The following MGLL variants were observed in gnomAD, a reference collection of about 807,000 sequenced individuals.
The protein encoded by MGLL is monoglyceride lipase.
In MGLL, 7 loss-of-function variants were observed where a neutral mutation model predicts 29.1. That is an observed-to-expected ratio of 0.24 (90% CI 0.14 to 0.45). The LOEUF is 0.45. Ranked by LOEUF, MGLL falls within the 20% of genes least tolerant of loss-of-function variation. The probability of loss-of-function intolerance (pLI) is 0.99; values close to 1 mark genes in which losing one functional copy is unlikely to be tolerated. For synonymous variants in MGLL, 148 were observed against 168.3 expected, an observed-to-expected ratio of 0.88 and a Z score of 0.93; for missense variants, 356 against 413.6, an observed-to-expected ratio of 0.86 and a Z score of 1.21.
chr3:127,697,329 T>C (rs80261252), intron 6 of MGLL, among the ~76,000 whole-genome samples: 5,397 of 152,258 alleles, frequency 0.035, 315 homozygotes, highest in African/African-American at 0.12. Context: ...CAGGGTCTCA[T>C]TGAGTAATAA....
chr3:127,766,968 G>A (rs531304705), intron 3 of MGLL, among the ~76,000 whole-genome samples: 58 of 152,272 alleles, frequency 3.8e-4, no homozygotes, highest in African/African-American at 1.4e-3. Flanking sequence ...CTACTCAGGA[G>A]GTTGAGGCAG....
chr3:127,749,391 A>C (rs375799129), intron 3 of MGLL, among the ~76,000 whole-genome samples: 43 of 152,366 alleles, frequency 2.8e-4, no homozygotes, highest in African/African-American at 9.6e-4. Flanking sequence ...AAAGAAATAA[A>C]GCAAATGCTT....
rs1229864779 is a variant in MGLL at position 127,691,352 on chromosome 3, C to G, written c.*846G>C. 1 of 152,370 alleles carries G rather than the reference C, an allele frequency of 6.6e-6. No individual in the cohort carries two copies. The highest frequency in any genetic ancestry group is 2.4e-5 in the African/African-American group (1 of 41,456). The allele number at this position is 152,370 out of a possible 1,614,324, so 9.4% of individuals were successfully genotyped here. Reference sequence around the variant, plus strand: ...ACTCCCCTTGCTCCCTCCCACCTATCCACCAAAATAGTCTCTGCTTTAAAA... The same window carrying G: ...ACTCCCCTTGCTCCCTCCCACCTATGCACCAAAATAGTCTCTGCTTTAAAA... On this transcript the variant is annotated 3_prime_UTR_variant, in exon 8 of 8. Coordinates refer to ENST00000265052, the MANE Select transcript of MGLL (RefSeq NM_007283.7).
rs181104062 is a variant in MGLL at position 127,782,047 on chromosome 3, C to T, written c.156-152G>A. 6.0e-3 allele frequency: 4,289 copies of T among 715,484 alleles called. 17 individuals carry two copies. Among genetic ancestry groups the T allele is most frequent in the Middle Eastern group, 0.012 (34 of 2,772 alleles). 44.3% of individuals were successfully genotyped at this position (715,484 alleles called of 1,614,324 possible). A position where few individuals can be genotyped will look rare whatever the true frequency, so the allele number is the denominator to read the frequency against. On this transcript the variant is annotated intron_variant, in intron 2 of 7. Coordinates refer to ENST00000265052, the MANE Select transcript of MGLL (RefSeq NM_007283.7). The stretch of plus-strand genomic sequence containing the variant: ...ACCAGCCTGACCAACATAGTGAAAC[C>T]CCACCTCTACTGAAATACAAAAAAA...
At chr3:127,744,039 C>A (rs1576537104) in intron 3 of MGLL, among the ~76,000 whole-genome samples, 1 of 152,240 alleles carries the variant, frequency 6.6e-6, no homozygotes, top group African/African-American at 2.4e-5. Flanking sequence ...AAATTAATTT[C>A]TTTACTAATT....
At chr3:127,748,717 T>A (rs2076500792) in intron 3 of MGLL, among the ~76,000 whole-genome samples, 1 of 152,122 alleles carries the variant, frequency 6.6e-6, no homozygotes, top group East Asian at 1.9e-4. Flanking sequence ...ATTTTCAGCC[T>A]CCAGAACTGT....
At chr3:127,766,234 A>G (rs1257663556) in intron 3 of MGLL, among the ~76,000 whole-genome samples, 1 of 152,058 alleles carries the variant, frequency 6.6e-6, no homozygotes, top group Non-Finnish European at 1.5e-5. Flanking sequence ...TTGCTTTTGA[A>G]GCATGTCTGT....
At chr3:127,743,722 C>T (rs1206249665) in intron 3 of MGLL, among the ~76,000 whole-genome samples, 1 of 152,036 alleles carries the variant, frequency 6.6e-6, no homozygotes, top group African/African-American at 2.4e-5. Context: ...CTCTCCAGGG[C>T]AAGGAAGAGC....
chr3:127,794,996 C>G (rs779466912), intron 2 of MGLL, among the ~76,000 whole-genome samples: 1 of 152,194 alleles, frequency 6.6e-6, no homozygotes, highest in Non-Finnish European at 1.5e-5. Context: ...AACAGAACTG[C>G]CACTCAACTC....
chr3:127,791,924 C>G lies in MGLL; in HGVS notation c.156-10029G>C, dbSNP rs548342171. On this transcript the variant is annotated intron_variant, in intron 2 of 7. Coordinates refer to ENST00000265052, the MANE Select transcript of MGLL (RefSeq NM_007283.7). The stretch of plus-strand genomic sequence containing the variant: ...CGTCTCTACTAAAATACAAAACAGC[C>G]GGGCATGGTGATGAGTGCTTGTAGT... Among the ~76,000 whole-genome samples, 21 of 152,210 alleles carry G rather than the reference C, an allele frequency of 1.4e-4. No individual in the cohort carries two copies. The East Asian group carries it at 3.9e-3, about 28-fold the overall frequency.
chr3:127,810,961 A>G (rs902292545), intron 2 of MGLL, among the ~76,000 whole-genome samples: 8 of 149,492 alleles, frequency 5.4e-5, no homozygotes, highest in Non-Finnish European at 1.0e-4. Context: ...GTTTTACAGC[A>G]AAGCTAACCA....
At chr3:127,780,720 C>T (rs1301943579) in intron 3 of MGLL, among the ~76,000 whole-genome samples, 2 of 152,230 alleles carry the variant, frequency 1.3e-5, no homozygotes, top group Non-Finnish European at 2.9e-5. Context: ...AAGGCTTTCC[C>T]GCATTTACAA....
chr3:127,782,907 G>A (rs1179808222), intron 2 of MGLL, among the ~76,000 whole-genome samples: 1 of 152,040 alleles, frequency 6.6e-6, no homozygotes, highest in Non-Finnish European at 1.5e-5. Flanking sequence ...AAGTGAGTTG[G>A]GCCAGGCAAG....
intron 5 of MGLL, chr3:127,713,877 G>A (rs1198202782): frequency 2.0e-5 from 3 of 152,374 alleles, no homozygotes; most frequent in African/African-American, 7.2e-5. Context: ...TAGGCTGTTG[G>A]CGCCTCAAGG....
At chr3:127,740,928 C>T (rs1463649440) in intron 3 of MGLL, among the ~76,000 whole-genome samples, 1 of 152,182 alleles carries the variant, frequency 6.6e-6, no homozygotes, top group African/African-American at 2.4e-5. Context: ...GCAAGCTTTC[C>T]CTGGGGCTGG....
intron 2 of MGLL, among the ~76,000 whole-genome samples, chr3:127,819,943 G>A (rs1046034011): frequency 6.6e-6 from 1 of 152,154 alleles, no homozygotes; most frequent in African/African-American, 2.4e-5. Context: ...TCCAGGGGCT[G>A]GAGGCAGGGC....
chr3:127,790,220 C>A (rs148122242), intron 2 of MGLL, among the ~76,000 whole-genome samples: 2 of 152,328 alleles, frequency 1.3e-5, no homozygotes, highest in African/African-American at 4.8e-5. Flanking sequence ...GTAGCACACA[C>A]CTCCCAGAGG....
chr3:127,796,055 G>C (rs988229817), intron 2 of MGLL, among the ~76,000 whole-genome samples: 2 of 152,166 alleles, frequency 1.3e-5, no homozygotes, highest in African/African-American at 4.8e-5. Context: ...TTTGCAGTGA[G>C]GGTGAATGGA....
At chr3:127,766,107 C>T (rs895942395) in intron 3 of MGLL, among the ~76,000 whole-genome samples, 1 of 152,188 alleles carries the variant, frequency 6.6e-6, no homozygotes, top group African/African-American at 2.4e-5. Context: ...ATGTCATGTC[C>T]TATGAAGATA....
Sources: gnomAD v4.1 joint callset for allele counts (sites outside exome capture counted in the v4.1 genomes callset) on GRCh38, gnomAD v4.1.1 for gene constraint, MANE v1.5 for transcripts, NCBI Gene and HGNC (gene_info 2026-07-23, HGNC 2026-07-21) for gene names.